RPS6KC1: variants seen among roughly 807,000 people sequenced by gnomAD.
RPS6KC1 encodes inactive ribosomal protein S6 kinase delta-1.
In RPS6KC1, 54 loss-of-function variants were observed where a neutral mutation model predicts 103.8. The observed-to-expected ratio is 0.52, with a 90% CI of 0.42 to 0.65. The LOEUF is 0.65. Among genes scored for constraint, RPS6KC1 ranks in the 30% least tolerant of loss-of-function variants. RPS6KC1 has a pLI of 0.00. For missense variants in RPS6KC1, 1,151 were observed against 1,253.8 expected, an observed-to-expected ratio of 0.92 and a Z score of 1.24; for synonymous variants, 439 against 438.7, an observed-to-expected ratio of 1.00 and a Z score of -0.01.
At chr1:213,723,408 G>T in the RPS6KC1 span, among the ~76,000 whole-genome samples, 1 of 152,126 alleles carries the variant, frequency 6.6e-6, no homozygotes, top group East Asian at 1.9e-4. Context: ...GTGTCAGCAG[G>T]GTTTCTTTTG....
chr1:213,623,449 A>G, the RPS6KC1 span, among the ~76,000 whole-genome samples: 1 of 152,184 alleles, frequency 6.6e-6, no homozygotes, highest in Non-Finnish European at 1.5e-5. Flanking sequence ...GGGATGCCGG[A>G]AATATAAAGA....
chr1:213,669,372 G>A, the RPS6KC1 span, among the ~76,000 whole-genome samples: 1 of 152,186 alleles, frequency 6.6e-6, no homozygotes, highest in East Asian at 1.9e-4. Context: ...GGGGTGGCCA[G>A]TGGGCAGAGT....
At chr1:213,428,624 C>A in the RPS6KC1 span, 1 of 114,914 alleles carries the variant, frequency 8.7e-6, no homozygotes, top group Non-Finnish European at 1.7e-5. Context: ...CTCTCTCTTT[C>A]TTTCTTTCGT....
At chr1:213,600,781 G>A in the RPS6KC1 span, among the ~76,000 whole-genome samples, 32 of 152,336 alleles carry the variant, frequency 2.1e-4, no homozygotes, top group East Asian at 1.3e-3. Flanking sequence ...ATGTTTTTGA[G>A]AAGATTACTT....
chr1:213,476,793 TCCA>T, the RPS6KC1 span, among the ~76,000 whole-genome samples: 1 of 152,206 alleles, frequency 6.6e-6, no homozygotes, highest in Non-Finnish European at 1.5e-5. Context: ...CTGCTTTCAC[TCCA>T]CCAAGTCCAA....
chr1:213,193,948 G>A (rs1471938591), intron 8 of RPS6KC1, among the ~76,000 whole-genome samples: 2 of 151,982 alleles, frequency 1.3e-5, no homozygotes, highest in Admixed American at 6.6e-5. Context: ...ATTGTTTTGG[G>A]GTCTATTTCT....
At chr1:213,800,802 C>G in the RPS6KC1 span, among the ~76,000 whole-genome samples, 1 of 152,172 alleles carries the variant, frequency 6.6e-6, no homozygotes, top group East Asian at 1.9e-4. Flanking sequence ...ACTTCAGTAT[C>G]TACTATGGTG....
the RPS6KC1 span, among the ~76,000 whole-genome samples, chr1:213,677,093 A>G: frequency 3.3e-4 from 50 of 152,208 alleles, no homozygotes; most frequent in Non-Finnish European, 2.5e-4. Context: ...ACCAGGTCCC[A>G]GAGAATGAAA....
At chr1:213,172,336 G>A (rs1435712750) in intron 7 of RPS6KC1, among the ~76,000 whole-genome samples, 3 of 152,180 alleles carry the variant, frequency 2.0e-5, no homozygotes, top group Non-Finnish European at 4.4e-5. Context: ...CAACAGGCCT[G>A]TAATCCCAGC....
chr1:213,627,032 A>G, the RPS6KC1 span, among the ~76,000 whole-genome samples: 1 of 152,118 alleles, frequency 6.6e-6, no homozygotes. Flanking sequence ...GGCCATTTTC[A>G]CGATACTGAT....
At chr1:213,407,249 CAGAG>C in the RPS6KC1 span, among the ~76,000 whole-genome samples, 99 of 150,088 alleles carry the variant, frequency 6.6e-4, no homozygotes, top group South Asian at 4.2e-4. Flanking sequence ...CACACACACG[CAGAG>C]AGAGAGAGAG....
chr1:213,561,248 C>A, the RPS6KC1 span, among the ~76,000 whole-genome samples: 2 of 152,262 alleles, frequency 1.3e-5, no homozygotes, highest in East Asian at 3.9e-4. Context: ...TGTCCCCTTC[C>A]CATGAAATTT....
intron 6 of RPS6KC1, among the ~76,000 whole-genome samples, chr1:213,142,809 C>T (rs2087231882): frequency 6.6e-6 from 1 of 151,904 alleles, no homozygotes; most frequent in African/African-American, 2.4e-5. Context: ...AAGGTATGTA[C>T]ATTGTTTTTA....
At chr1:213,701,944 C>T in the RPS6KC1 span, among the ~76,000 whole-genome samples, 7 of 151,838 alleles carry the variant, frequency 4.6e-5, no homozygotes, top group Non-Finnish European at 8.8e-5. Flanking sequence ...GTTATTTCTT[C>T]TCTTCTACTA....
the RPS6KC1 span, among the ~76,000 whole-genome samples, chr1:213,410,630 C>T: frequency 4.7e-4 from 71 of 152,196 alleles, 1 homozygote; most frequent in Middle Eastern, 0.02. Context: ...GCCTCAGCAA[C>T]CTGGCTGCAG....
At chr1:213,144,500 G>T (rs2087483706) in intron 6 of RPS6KC1, among the ~76,000 whole-genome samples, 1 of 151,966 alleles carries the variant, frequency 6.6e-6, no homozygotes, top group African/African-American at 2.4e-5. Context: ...AAGTACTCCA[G>T]CCCCAGCCTC....
the RPS6KC1 span, among the ~76,000 whole-genome samples, chr1:213,367,142 A>G: frequency 2.7e-4 from 41 of 152,176 alleles, no homozygotes; most frequent in Non-Finnish European, 4.7e-4. Context: ...GTTGGGGACA[A>G]TATTTCATGC....
At chr1:213,678,396 A>G in the RPS6KC1 span, among the ~76,000 whole-genome samples, 1 of 152,222 alleles carries the variant, frequency 6.6e-6, no homozygotes, top group African/African-American at 2.4e-5. Flanking sequence ...TAGGCACTCC[A>G]TAAATGCTTG....
the RPS6KC1 span, among the ~76,000 whole-genome samples, chr1:213,512,910 GAA>G: frequency 2.0e-5 from 3 of 152,178 alleles, 1 homozygote; most frequent in African/African-American, 7.2e-5. Flanking sequence ...GTGTCAACTG[GAA>G]AAAGTCAGCT....
Sources: gnomAD v4.1 joint callset for allele counts (sites outside exome capture counted in the v4.1 genomes callset) on GRCh38, gnomAD v4.1.1 for gene constraint, MANE v1.5 for transcripts, NCBI Gene and HGNC (gene_info 2026-07-23, HGNC 2026-07-21) for gene names.